Variants in VDR observed in about 807,000 individuals in gnomAD.
The protein encoded by VDR is vitamin D3 receptor.
Under a neutral mutation model 39.7 loss-of-function variants are expected in VDR, and 19 were observed. The ratio of observed to expected loss-of-function variants is 0.48; its 90% CI spans 0.33 to 0.70. The LOEUF is 0.70. Ranked by LOEUF, VDR falls within the 30% of genes least tolerant of loss-of-function variation. VDR has a pLI of 0.02. For synonymous variants in VDR, 242 were observed against 215.8 expected, an observed-to-expected ratio of 1.12 and a Z score of -1.07; for missense variants, 442 against 570.5, an observed-to-expected ratio of 0.77 and a Z score of 2.29.
At chr12:47,869,772 C>G (rs1265808996) in intron 3 of VDR, among the ~76,000 whole-genome samples, 1 of 152,126 alleles carries the variant, frequency 6.6e-6, no homozygotes. Flanking sequence ...TGGCATGCGC[C>G]TGTGGTCTCA....
intron 4 of VDR, among the ~76,000 whole-genome samples, chr12:47,864,664 TC>T (rs1364329449): frequency 6.6e-6 from 1 of 152,176 alleles, no homozygotes. Context: ...ACCTCATTCT[TC>T]CCTCTAGGTC....
chr12:47,891,051 T>C (rs183736063), intron 1 of VDR, among the ~76,000 whole-genome samples: 47 of 152,326 alleles, frequency 3.1e-4, no homozygotes, highest in Non-Finnish European at 5.6e-4. Context: ...ACGTGATCTC[T>C]GAGTCACGTA....
At chr12:47,873,174 AGT>A (rs1043417318) in intron 3 of VDR, among the ~76,000 whole-genome samples, 2 of 151,956 alleles carry the variant, frequency 1.3e-5, no homozygotes, top group Non-Finnish European at 2.9e-5. Flanking sequence ...TGTGATACTG[AGT>A]GAGTTCTCAC....
chr12:47,896,238 G>C (rs1324438613), intron 1 of VDR, among the ~76,000 whole-genome samples: 2 of 152,196 alleles, frequency 1.3e-5, no homozygotes, highest in African/African-American at 4.8e-5. Context: ...TTATTATTGC[G>C]CACAATTACT....
At chr12:47,859,613 G>GT (rs772910767) in intron 4 of VDR, among the ~76,000 whole-genome samples, 2 of 152,044 alleles carry the variant, frequency 1.3e-5, no homozygotes, top group Non-Finnish European at 2.9e-5. Context: ...ATCAAGCCTT[G>GT]TTTTTTTCTG....
At chr12:47,898,277 A>C (rs1207126077) in intron 1 of VDR, 1 of 152,238 alleles carries the variant, frequency 6.6e-6, no homozygotes, top group African/African-American at 2.4e-5. Context: ...TAGGTCATGA[A>C]TAATACAACT....
chr12:47,844,215 G>T lies in VDR; in HGVS notation c.*531C>A, dbSNP rs371695026. ...GAAAACCCACCTCACCACAGCTACTGCCCGTGAGAATATAACCAGGGCAAT... is the reference window on the plus strand; with the variant it reads ...GAAAACCCACCTCACCACAGCTACTTCCCGTGAGAATATAACCAGGGCAAT... On this transcript the variant is annotated 3_prime_UTR_variant, in exon 10 of 10. Coordinates refer to ENST00000549336, the MANE Select transcript of VDR (RefSeq NM_000376.3). 4 of 182,244 alleles carry T rather than the reference G, an allele frequency of 2.2e-5. No individual in the cohort carries two copies. In the East Asian group the frequency reaches 5.4e-4, roughly 25 times the overall value. 11.3% of individuals were successfully genotyped at this position (182,244 alleles called of 1,614,324 possible).
intron 3 of VDR, among the ~76,000 whole-genome samples, chr12:47,872,629 C>G (rs1945905988): frequency 6.6e-6 from 1 of 152,214 alleles, no homozygotes; most frequent in African/African-American, 2.4e-5. Flanking sequence ...TTCTACCCAG[C>G]CTTTGACCGA....
intron 1 of VDR, among the ~76,000 whole-genome samples, chr12:47,902,885 G>A (rs967079596): frequency 1.3e-5 from 2 of 152,294 alleles, no homozygotes; most frequent in South Asian, 2.1e-4. Flanking sequence ...TCACAGCCTG[G>A]GCTTTGGACA....
At chr12:47,890,263 C>T (rs527307685) in intron 1 of VDR, among the ~76,000 whole-genome samples, 9 of 150,998 alleles carry the variant, frequency 6.0e-5, no homozygotes, top group African/African-American at 1.9e-4. Context: ...TATTTTCTGA[C>T]GACCACATGA....
chr12:47,845,857 T>C (rs1455467870), intron 9 of VDR, among the ~76,000 whole-genome samples: 1 of 152,246 alleles, frequency 6.6e-6, no homozygotes. Context: ...TTCGGCCTTT[T>C]CTCCCTCTTC....
intron 7 of VDR, among the ~76,000 whole-genome samples, chr12:47,848,472 C>T (rs146470121): frequency 5.0e-4 from 75 of 150,686 alleles, no homozygotes; most frequent in South Asian, 3.0e-3. Context: ...AGGGCCATGT[C>T]ATTGTGATGC....
At chr12:47,845,789 C>T (rs935323448) in intron 9 of VDR, among the ~76,000 whole-genome samples, 5 of 152,176 alleles carry the variant, frequency 3.3e-5, no homozygotes, top group Admixed American at 6.5e-5. Context: ...GAGGCAGGGC[C>T]GCCCCTCTTT....
At chr12:47,883,224 G>T (rs919983857) in intron 1 of VDR, among the ~76,000 whole-genome samples, 2 of 152,206 alleles carry the variant, frequency 1.3e-5, no homozygotes, top group African/African-American at 4.8e-5. Flanking sequence ...AGAGCGGGAA[G>T]ACGGCTGCCC....
chr12:47,893,268 T>C (rs556276590), intron 1 of VDR, among the ~76,000 whole-genome samples: 1 of 152,292 alleles, frequency 6.6e-6, no homozygotes, highest in South Asian at 2.1e-4. Flanking sequence ...GCCTCTCTCA[T>C]TGTTTCATTG....
intron 1 of VDR, among the ~76,000 whole-genome samples, chr12:47,884,624 G>A (rs1487695681): frequency 1.3e-5 from 2 of 152,158 alleles, no homozygotes; most frequent in Non-Finnish European, 2.9e-5. Flanking sequence ...GGAAACTGAG[G>A]CGCAGGGAAG....
rs1183592943 is a variant in VDR at position 47,846,319 on chromosome 12, C to T, written c.1024+16G>A. 6.2e-7 allele frequency: 1 copy of T among 1,605,546 alleles called. No individual in the cohort carries two copies. The highest frequency in any genetic ancestry group is 8.5e-7 in the Non-Finnish European group (1 of 1,177,348). On this transcript the variant is annotated intron_variant, in intron 9 of 9. Transcript: ENST00000549336. ...GCTCCCCAGGTCCCTGAGCTCCTCC[C>T]TGCCTGGCCCCATACCTGGGGAGAC...
chr12:47,860,180 G>A (rs1241631051), intron 4 of VDR, among the ~76,000 whole-genome samples: 1 of 152,028 alleles, frequency 6.6e-6, no homozygotes, highest in African/African-American at 2.4e-5. Context: ...TGGCCAGGCT[G>A]GTCTCAAACT....
intron 4 of VDR, among the ~76,000 whole-genome samples, chr12:47,859,917 CTTTCTT>C (rs1358080730): frequency 0.018 from 825 of 46,378 alleles, 35 homozygotes; most frequent in African/African-American, 0.035. Flanking sequence ...TTCCTTCCTT[CTTTCTT>C]TTTCTTTCTT....
Sources: allele counts gnomAD v4.1 joint callset (sites outside exome capture counted in the v4.1 genomes callset), GRCh38; gene constraint gnomAD v4.1.1; transcripts MANE v1.5; gene names NCBI Gene and HGNC (gene_info 2026-07-23, HGNC 2026-07-21).